Variants in AP1G1 observed in about 807,000 individuals in gnomAD.
AP1G1 encodes the protein AP-1 complex subunit gamma-1.
A neutral mutation model predicts 108.3 loss-of-function variants in AP1G1; 7 were observed. The observed-to-expected ratio is 0.06, with a 90% CI of 0.04 to 0.12. AP1G1 has a LOEUF of 0.12. AP1G1 is among the 10% of genes least tolerant of loss of function. The pLI is 1.00. For synonymous variants in AP1G1, 379 were observed against 353.5 expected, an observed-to-expected ratio of 1.07 and a Z score of -0.81; for missense variants, 756 against 1,010.7, an observed-to-expected ratio of 0.75 and a Z score of 3.42.
At chr16:71,733,351 C>T (rs1180936991) in intron 22 of AP1G1, among the ~76,000 whole-genome samples, 192 bp from the exon 23 acceptor site, 1 of 152,196 alleles carries the variant, frequency 6.6e-6, no homozygotes. Flanking sequence ...AATGTCATGC[C>T]ACCAAGTTGA....
intron 10 of AP1G1, among the ~76,000 whole-genome samples, chr16:71,760,784 T>C (rs2145461357): frequency 6.6e-6 from 1 of 152,226 alleles, no homozygotes; most frequent in Non-Finnish European, 1.5e-5. Context: ...CCTGGGATCA[T>C]GATCTACCCA....
At chr16:71,754,288 A>AGAAG (rs374197630) in intron 12 of AP1G1, among the ~76,000 whole-genome samples, 36 of 151,108 alleles carry the variant, frequency 2.4e-4, no homozygotes, top group Admixed American at 7.3e-4. Flanking sequence ...ATGGAAGGAA[A>AGAAG]GAAGGAAGGA....
chr16:71,775,050 G>T, intron 2 of AP1G1, among the ~76,000 whole-genome samples: 2 of 129,354 alleles, frequency 1.5e-5, no homozygotes, highest in African/African-American at 5.9e-5. Context: ...TTTGAGATGG[G>T]GTTTTTGCTC....
At chr16:71,785,093 T>C (rs536733366) in intron 2 of AP1G1, among the ~76,000 whole-genome samples, 1 of 151,944 alleles carries the variant, frequency 6.6e-6, no homozygotes, top group African/African-American at 2.4e-5. Flanking sequence ...CACTTGCTTT[T>C]GCACTAAAGC....
intron 19 of AP1G1, among the ~76,000 whole-genome samples, chr16:71,743,819 G>A (rs771595937): frequency 4.0e-5 from 6 of 151,430 alleles, no homozygotes; most frequent in South Asian, 2.1e-4. Context: ...AGTAGCAGGC[G>A]CCTGTAATCC....
chr16:71,748,191 ATTTTT>A lies in AP1G1; in HGVS notation c.1625+55_1625+59del. 4 of 1,556,760 alleles carry A rather than the reference ATTTTT, an allele frequency of 2.6e-6. No homozygotes were observed. The East Asian group carries it at 9.0e-5, about 35-fold the overall frequency. The stretch of plus-strand genomic sequence containing the variant: ...TTTCCATGATAACAAGTTTTTTGGG[ATTTTT>A]TTTGTTTTTTAATTACAAAACAACC... On this transcript the variant is annotated intron_variant, in intron 16 of 22. Transcript: ENST00000299980.
At chr16:71,758,249 A>C (rs762124186) in intron 11 of AP1G1, 2 of 338,414 alleles carry the variant, frequency 5.9e-6, no homozygotes, top group Admixed American at 4.0e-5. Flanking sequence ...AAACATCTAG[A>C]GTTCTAAGAA....
At chr16:71,734,090 T>G (rs1314656282) in intron 22 of AP1G1, among the ~76,000 whole-genome samples, 3 of 152,218 alleles carry the variant, frequency 2.0e-5, no homozygotes, top group African/African-American at 7.2e-5. Flanking sequence ...AGTAGAGCTC[T>G]ATTAAAGAAA....
chr16:71,777,639 G>A, intron 2 of AP1G1: 1 of 457,514 alleles, frequency 2.2e-6, no homozygotes, highest in Non-Finnish European at 4.5e-6. Flanking sequence ...TACTGCTAGG[G>A]ATCCGGTTCA....
intron 21 of AP1G1, among the ~76,000 whole-genome samples, chr16:71,737,992 C>T (rs577745248): frequency 1.3e-4 from 20 of 152,368 alleles, no homozygotes; most frequent in Non-Finnish European, 2.4e-4. Flanking sequence ...CTTACTGTCT[C>T]ATCTTTTTAA....
rs1212922896 is a variant in AP1G1 at position 71,754,194 on chromosome 16, G to A, written c.1230-307C>T. On this transcript the variant is annotated intron_variant, in intron 12 of 22. Coordinates refer to ENST00000299980, the MANE Select transcript of AP1G1 (RefSeq NM_001128.6). ...GTTGAGGCTACAGTGAGAAAGAAGAGAGAGAAAAGAAAGAGAAGAAACAGA... is the reference window on the plus strand; with the variant it reads ...GTTGAGGCTACAGTGAGAAAGAAGAAAGAGAAAAGAAAGAGAAGAAACAGA... Among the ~76,000 whole-genome samples, 4 of 150,786 alleles carry A rather than the reference G, an allele frequency of 2.7e-5. No homozygotes were observed. In the Admixed American group the frequency reaches 2.7e-4, roughly 10 times the overall value.
At chr16:71,780,824 T>C (rs1462901126) in intron 2 of AP1G1, among the ~76,000 whole-genome samples, 1 of 151,160 alleles carries the variant, frequency 6.6e-6, no homozygotes, top group African/African-American at 2.4e-5. Context: ...TTTTTACTTT[T>C]TTTTTTTTTT....
intron 1 of AP1G1, among the ~76,000 whole-genome samples, chr16:71,792,708 G>C (rs11645704): frequency 2.0e-5 from 3 of 152,004 alleles, no homozygotes; most frequent in Non-Finnish European, 2.9e-5. Context: ...ACAAAAAATA[G>C]CCAGGCGTGG....
intron 2 of AP1G1, 130 bp from the exon 3 acceptor site, chr16:71,774,722 A>C: frequency 2.0e-6 from 2 of 1,012,184 alleles, no homozygotes; most frequent in South Asian, 1.9e-5. Context: ...AACTACCTAA[A>C]TCTTTTCTTT....
At chr16:71,745,673 TA>T in intron 17 of AP1G1, 59 bp from the exon 18 acceptor site, 1 of 1,418,988 alleles carries the variant, frequency 7.0e-7, no homozygotes. Flanking sequence ...CTACCCAAAA[TA>T]ATCACCATTA....
intron 12 of AP1G1, among the ~76,000 whole-genome samples, chr16:71,754,288 AGAAGGAAGGAAG>A (rs374197630): frequency 1.3e-5 from 2 of 150,992 alleles, no homozygotes; most frequent in Non-Finnish European, 3.0e-5. Flanking sequence ...ATGGAAGGAA[AGAAGGAAGGAAG>A]GAAGGAAGGA....
At position 71,737,532 on chromosome 16, in the gene AP1G1, G is replaced by A. The variant is rs974395686; in HGVS notation, c.2268+1410C>T. Among the ~76,000 whole-genome samples, 7 of 152,146 alleles carry A rather than the reference G, an allele frequency of 4.6e-5. No homozygotes were observed. The East Asian group carries it at 1.2e-3, about 25-fold the overall frequency. On this transcript the variant is annotated intron_variant, in intron 21 of 22. Transcript: ENST00000299980. ...ACTCCTGAGCTCAAGCGATCCACCC[G>A]CCTCAGCCTCCCAAATTGCTGGGAT...
At chr16:71,741,309 G>A (rs1024483828) in intron 19 of AP1G1, among the ~76,000 whole-genome samples, 10 of 152,164 alleles carry the variant, frequency 6.6e-5, no homozygotes, top group African/African-American at 1.7e-4. Flanking sequence ...CAGGCTGGGC[G>A]CGATGGCTCA....
intron 1 of AP1G1, among the ~76,000 whole-genome samples, chr16:71,790,216 A>G (rs2032348317): frequency 6.6e-6 from 1 of 152,232 alleles, no homozygotes; most frequent in African/African-American, 2.4e-5. Flanking sequence ...TATAGTAATC[A>G]GGGAAATGTG....
Sources: allele counts gnomAD v4.1 joint callset (sites outside exome capture counted in the v4.1 genomes callset), GRCh38; gene constraint gnomAD v4.1.1; transcripts MANE v1.5; gene names NCBI Gene and HGNC (gene_info 2026-07-23, HGNC 2026-07-21).